Variants in HTT observed in about 807,000 individuals in gnomAD.
HTT encodes huntingtin.
In HTT, 104 loss-of-function variants were observed where a neutral mutation model predicts 362.3. That is an observed-to-expected ratio of 0.29 (90% CI 0.24 to 0.34). The LOEUF (loss-of-function observed/expected upper bound fraction) is 0.34, where lower values mean the gene tolerates loss of function less well. Among genes scored for constraint, HTT ranks in the 10% least tolerant of loss-of-function variants. The pLI, the probability that HTT is intolerant of heterozygous loss-of-function variation, is 1.00. For synonymous variants in HTT, 1,577 were observed against 1,548.7 expected, an observed-to-expected ratio of 1.02 and a Z score of -0.43; for missense variants, 3,301 against 3,928.6, an observed-to-expected ratio of 0.84 and a Z score of 4.27.
At chr4:3,131,181 C>A in intron 14 of HTT, 105 bp from the exon 15 acceptor site, 1 of 842,102 alleles carries the variant, frequency 1.2e-6, no homozygotes, top group Non-Finnish European at 2.0e-6. Context: ...CTCTTTATCC[C>A]CAGCACCTGG....
intron 29 of HTT, among the ~76,000 whole-genome samples, chr4:3,161,168 G>A (rs1212913432): frequency 1.3e-5 from 2 of 152,056 alleles, no homozygotes; most frequent in African/African-American, 2.4e-5. Flanking sequence ...GAGAACATGC[G>A]GTGTTTGGTT....
intron 35 of HTT, 116 bp from the exon 36 acceptor site, chr4:3,180,399 C>A: frequency 1.2e-6 from 1 of 866,764 alleles, no homozygotes; most frequent in Non-Finnish European, 1.7e-6. Context: ...TACCATAAAC[C>A]AAGTATGTGT....
Position 3,233,349 on chromosome 4 carries a change from G to T in HTT, c.8452G>T (p.Ala2818Ser). ...TCTCCTCTCCAACCTGAAAGGGATC[G>T]CCCAGTGAGTGGGAGCCTGGCTGGG... ...DYLLSNLKGI[A>S]HCVNIHSQQH... The change falls in exon 61 of 67, where the codon GCC becomes TCC. Residue 2818 changes from alanine to serine, a missense_variant. Physicochemically the swap from Ala to Ser is moderately conservative, Grantham distance 99. Transcript: ENST00000355072. 6.3e-7 allele frequency: 1 copy of T among 1,594,720 alleles called. No homozygotes were observed. The highest frequency in any genetic ancestry group is 8.6e-7 in the Non-Finnish European group (1 of 1,164,752).
intron 2 of HTT, among the ~76,000 whole-genome samples, chr4:3,097,014 G>T (rs1392888284): frequency 6.6e-6 from 1 of 152,134 alleles, no homozygotes; most frequent in African/African-American, 2.4e-5. Context: ...AGCTAACCAG[G>T]AGTCTAAGGT....
At chr4:3,199,589 A>T (rs536578531) in intron 40 of HTT, 143 bp from the exon 41 acceptor site, 2 of 674,128 alleles carry the variant, frequency 3.0e-6, no homozygotes, top group East Asian at 5.5e-5. Context: ...GAAAAATCAG[A>T]ATTTTCTAAA....
chr4:3,122,528 G>A (rs537613664), intron 9 of HTT, among the ~76,000 whole-genome samples: 1 of 152,292 alleles, frequency 6.6e-6, no homozygotes, highest in South Asian at 2.1e-4. Context: ...ATTTTTTTCT[G>A]TATGGAATGC....
At chr4:3,194,780 G>A (rs1292578872) in intron 40 of HTT, among the ~76,000 whole-genome samples, 3 of 152,168 alleles carry the variant, frequency 2.0e-5, no homozygotes, top group East Asian at 3.9e-4. Context: ...CACTTTTTGG[G>A]GCAAAGCAGG....
chr4:3,228,850 T>G lies in HTT; in HGVS notation c.7980-30T>G. The G allele has an allele frequency of 6.3e-7, 1 of 1,598,066 alleles. No individual in the cohort carries two copies. The highest frequency in any genetic ancestry group is 8.6e-7 in the Non-Finnish European group (1 of 1,166,790). On this transcript the variant is annotated intron_variant, in intron 58 of 66. Transcript: ENST00000355072. This position sits in a 1 kb window ranked among gnomAD's most constrained non-coding sequence, Gnocchi z 4.3. ...AAATGAGCCTCTCATCTCATGTACTTGGAAAATACCCATCTCGCATATTCC... is the reference window on the plus strand; with the variant it reads ...AAATGAGCCTCTCATCTCATGTACTGGGAAAATACCCATCTCGCATATTCC...
chr4:3,095,510 A>C (rs1257718024), intron 2 of HTT, among the ~76,000 whole-genome samples: 2 of 152,128 alleles, frequency 1.3e-5, no homozygotes. Flanking sequence ...TCAGAGGGAG[A>C]CTGTGCGAGG....
At position 3,149,086 on chromosome 4, in the gene HTT, T is replaced by A. The variant is rs982675762; in HGVS notation, c.3498+879T>A. Among the ~76,000 whole-genome samples the A allele has an allele frequency of 4.3e-4, 65 of 152,234 alleles. 2 individuals carry two copies. The highest frequency in any genetic ancestry group is 2.9e-5 in the Non-Finnish European group (2 of 68,030). Reference sequence around the variant, plus strand: ...ATTAGCCAAGAAAGCTCAGAATTGATGTTCCTGGCCAAGTACCTCATTGCT... The same window carrying A: ...ATTAGCCAAGAAAGCTCAGAATTGAAGTTCCTGGCCAAGTACCTCATTGCT... On this transcript the variant is annotated intron_variant, in intron 26 of 66. Coordinates refer to ENST00000355072, the MANE Select transcript of HTT (RefSeq NM_001388492.1).
intron 8 of HTT, 140 bp from the exon 9 acceptor site, chr4:3,121,088 G>A: frequency 1.7e-6 from 1 of 605,188 alleles, no homozygotes; most frequent in Non-Finnish European, 2.9e-6. Context: ...CACATTGGTG[G>A]AAGTGATAGG....
intron 31 of HTT, among the ~76,000 whole-genome samples, chr4:3,173,814 G>A (rs1348046903): frequency 6.6e-6 from 1 of 151,854 alleles, no homozygotes; most frequent in African/African-American, 2.4e-5. Flanking sequence ...GACTACAGGC[G>A]CCTGCCATCA....
intron 29 of HTT, among the ~76,000 whole-genome samples, chr4:3,171,582 A>T (rs1324547617): frequency 6.6e-6 from 1 of 151,298 alleles, no homozygotes; most frequent in East Asian, 1.9e-4. Context: ...GGTTCAAGCG[A>T]TTCTCCTGCC....
intron 54 of HTT, 135 bp from the exon 55 acceptor site, chr4:3,223,271 A>G (rs1720760664): frequency 1.2e-6 from 1 of 817,346 alleles, no homozygotes; most frequent in Admixed American, 3.3e-5. Flanking sequence ...CCGTGAGCTC[A>G]GCCTGACAGA....
Position 3,207,370 on chromosome 4 carries a change from A to C in HTT, c.6152+13A>C. ...GGCTCGCTCAGAGGTAATGCTGGAA[A>C]CACAGGTCGTCCTTGTGTTAGGACA... is the stretch of plus-strand genomic sequence containing the variant. On this transcript the variant is annotated intron_variant, in intron 45 of 66. Transcript: ENST00000355072. 1 of 1,603,590 alleles carries C rather than the reference A, an allele frequency of 6.2e-7. No homozygotes were observed. Among genetic ancestry groups the C allele is most frequent in the Non-Finnish European group, 8.5e-7 (1 of 1,172,894 alleles).
At chr4:3,135,812 G>C in intron 19 of HTT, 92 bp from the exon 20 acceptor site, 1 of 907,646 alleles carries the variant, frequency 1.1e-6, no homozygotes, top group Non-Finnish European at 1.7e-6. Flanking sequence ...GTCCTTCCAG[G>C]GCACCTGGAT....
At chr4:3,098,085 T>C (rs1029977922) in intron 2 of HTT, among the ~76,000 whole-genome samples, 1 of 152,258 alleles carries the variant, frequency 6.6e-6, no homozygotes, top group African/African-American at 2.4e-5. Context: ...ATGCGTCAGC[T>C]AGGAAATATA....
intron 5 of HTT, among the ~76,000 whole-genome samples, chr4:3,105,815 T>C (rs980966456): frequency 1.3e-5 from 2 of 152,242 alleles, no homozygotes; most frequent in African/African-American, 4.8e-5. Context: ...TTGCTGACTA[T>C]AGGAGTTATA....
At chr4:3,176,214 A>T (rs1030060448) in intron 33 of HTT, among the ~76,000 whole-genome samples, 1 of 151,804 alleles carries the variant, frequency 6.6e-6, no homozygotes, top group Non-Finnish European at 1.5e-5. Context: ...TTTTTAGTAG[A>T]GACGAGGTTT....
Sources: gnomAD v4.1 joint callset for allele counts (sites outside exome capture counted in the v4.1 genomes callset) on GRCh38, gnomAD v4.1.1 for gene constraint, Gnocchi (gnomAD v3.1) non-coding constraint, MANE v1.5 for transcripts, NCBI Gene and HGNC (gene_info 2026-07-23, HGNC 2026-07-21) for gene names.